Variants in GRM4 observed in about 807,000 individuals in gnomAD.
The protein encoded by GRM4 is glutamate metabotropic receptor 4, also known as metabotropic glutamate receptor 4.
GRM4 carries 28 observed loss-of-function variants against 81.7 expected under a neutral mutation model. The ratio of observed to expected loss-of-function variants is 0.34; its 90% CI spans 0.25 to 0.47. GRM4 has a LOEUF of 0.47. Among genes scored for constraint, GRM4 ranks in the 20% least tolerant of loss-of-function variants. The pLI is 1.00. For missense variants in GRM4, 948 were observed against 1,290.0 expected (o/e 0.73, Z 4.06); for synonymous variants, 488 against 528.8 (o/e 0.92, Z 1.06).
intron 1 of GRM4, among the ~76,000 whole-genome samples, chr6:34,138,586 C>T (rs1175955819): frequency 3.9e-5 from 6 of 152,196 alleles, no homozygotes; most frequent in South Asian, 2.1e-4. Context: ...GCTATCCATC[C>T]GGGCCCCCAC....
At chr6:34,049,655 C>T (rs189782972) in intron 6 of GRM4, among the ~76,000 whole-genome samples, 37 of 152,236 alleles carry the variant, frequency 2.4e-4, no homozygotes, top group Middle Eastern at 6.8e-3. Context: ...CTCCTCCTCC[C>T]GCCCACCCCA....
At chr6:34,094,120 T>TG (rs1442695192) in intron 2 of GRM4, among the ~76,000 whole-genome samples, 1 of 152,174 alleles carries the variant, frequency 6.6e-6, no homozygotes, top group African/African-American at 2.4e-5. Context: ...CAAGATATTC[T>TG]GGGGTAAAAA....
chr6:34,044,842 A>G (rs992644104), intron 6 of GRM4, among the ~76,000 whole-genome samples: 1 of 140,284 alleles, frequency 7.1e-6, no homozygotes, highest in African/African-American at 3.0e-5. Flanking sequence ...ACATACACAT[A>G]TATACATAGA....
At chr6:34,122,912 G>C (rs1014147869) in intron 2 of GRM4, among the ~76,000 whole-genome samples, 1 of 152,234 alleles carries the variant, frequency 6.6e-6, no homozygotes, top group African/African-American at 2.4e-5. Context: ...CTGGATTCGA[G>C]TCAGTATGAC....
In GRM4 at chr6:34,078,175, T is replaced by C. The variant is rs11968118; in HGVS notation, c.736+13708A>G. Among the ~76,000 whole-genome samples the C allele has an allele frequency of 0.087, 13,227 of 152,136 alleles. 1,352 individuals carry two copies. Among genetic ancestry groups the C allele is most frequent in the African/African-American group, 0.25 (10,318 of 41,422 alleles). ...ATGCTAGGTGGTTAATTAACTAACA[T>C]TTGACCTATTGTCCGGAAGGCTCCC... On this transcript the variant is annotated intron_variant, in intron 3 of 10. Transcript: ENST00000538487. The surrounding 1 kb of genome is among the most constrained non-coding windows in gnomAD (Gnocchi z 4.8).
At chr6:34,088,476 GCC>G (rs1430569705) in intron 3 of GRM4, among the ~76,000 whole-genome samples, 1 of 152,122 alleles carries the variant, frequency 6.6e-6, no homozygotes, top group Non-Finnish European at 1.5e-5. Context: ...AAGAAACTGA[GCC>G]CAGAAAGACG....
At position 34,021,389 on chromosome 6, in the gene GRM4, C is replaced by A. The variant is rs1432638793; in HGVS notation, c.*1432G>T. 1 of 151,914 alleles carries A rather than the reference C, an allele frequency of 6.6e-6. No individual in the cohort carries two copies. 9.4% of individuals were successfully genotyped at this position (151,914 alleles called of 1,614,324 possible). On this transcript the variant is annotated 3_prime_UTR_variant, in exon 11 of 11. Coordinates refer to ENST00000538487, the MANE Select transcript of GRM4 (RefSeq NM_000841.4). This position sits in a 1 kb window ranked among gnomAD's most constrained non-coding sequence, Gnocchi z 5.3. ...TCTTAGCACCCGAGCCTGGAGCCAACACAAGCAGGAGGGGACGGCTATGAG... is the reference window on the plus strand; with the variant it reads ...TCTTAGCACCCGAGCCTGGAGCCAAAACAAGCAGGAGGGGACGGCTATGAG...
Position 34,133,950 on chromosome 6 carries a change from G to A in GRM4, c.-363-91C>T. On this transcript the variant is annotated intron_variant, in intron 1 of 10. Transcript: ENST00000538487. The surrounding 1 kb of genome is among the most constrained non-coding windows in gnomAD (Gnocchi z 6.5). ...TCTCTCATCAGGAGCCTGAGAGAAG[G>A]AGATGCTAGAGGTTATCGCCGAAGA... 2.1e-6 allele frequency: 1 copy of A among 486,638 alleles called. No individual in the cohort carries two copies. Among genetic ancestry groups the A allele is most frequent in the Non-Finnish European group, 2.7e-6 (1 of 372,470 alleles). The allele number at this position is 486,638 out of a possible 1,614,324, so 30.1% of individuals were successfully genotyped here. A position where few individuals can be genotyped will look rare whatever the true frequency, so the allele number is the denominator to read the frequency against.
intron 3 of GRM4, among the ~76,000 whole-genome samples, chr6:34,084,331 C>T (rs1376170250): frequency 2.6e-5 from 4 of 152,156 alleles, no homozygotes; most frequent in Non-Finnish European, 4.4e-5. Flanking sequence ...AGGTGGGGTC[C>T]TGTCCCTCCC....
rs374098086 is a variant in GRM4 at position 34,036,021 on chromosome 6, C to T, written c.2089G>A (p.Ala697Thr). The T allele has an allele frequency of 2.4e-5, 38 of 1,613,990 alleles. No homozygotes were observed. Among genetic ancestry groups the T allele is most frequent in the South Asian group, 9.9e-5 (9 of 91,072 alleles). The change falls in exon 9 of 11, where the codon GCC becomes ACC. Residue 697 changes from alanine to threonine, a missense_variant. Ala to Thr is a moderately conservative substitution (Grantham distance 58). Coordinates refer to ENST00000538487, the MANE Select transcript of GRM4 (RefSeq NM_000841.4). This position sits in a 1 kb window ranked among gnomAD's most constrained non-coding sequence, Gnocchi z 9.0. ...CTGAAGGTGATGGCCAGCTGTGAGG[C>T]GGGGCTGATGAAGCGTGGGGCACTG... ...SVSAPRFISP[A>T]SQLAITFSLI... is the part of the protein sequence containing the mutation.
intron 6 of GRM4, among the ~76,000 whole-genome samples, chr6:34,045,566 C>G (rs558035283): frequency 6.6e-6 from 1 of 152,218 alleles, no homozygotes; most frequent in African/African-American, 2.4e-5. Flanking sequence ...CCCTGAACTG[C>G]CCCTCCTCCA....
intron 1 of GRM4, among the ~76,000 whole-genome samples, chr6:34,140,225 A>T (rs973197678): frequency 6.6e-6 from 1 of 152,162 alleles, no homozygotes; most frequent in Admixed American, 6.5e-5. Context: ...TCCAAAGAGA[A>T]AGAACAGCAA....
intron 2 of GRM4, among the ~76,000 whole-genome samples, chr6:34,129,719 G>C (rs538620770): frequency 6.6e-6 from 1 of 152,272 alleles, no homozygotes; most frequent in African/African-American, 2.4e-5. Flanking sequence ...GAGGGCACCC[G>C]GCTTTGAGCC....
At chr6:34,085,198 C>G (rs1042386555) in intron 3 of GRM4, among the ~76,000 whole-genome samples, 1 of 152,154 alleles carries the variant, frequency 6.6e-6, no homozygotes. Context: ...AGCACAGGGG[C>G]GAAATAAATC....
At chr6:34,118,873 T>C (rs1378861932) in intron 2 of GRM4, among the ~76,000 whole-genome samples, 3 of 152,212 alleles carry the variant, frequency 2.0e-5, no homozygotes, top group African/African-American at 7.2e-5. Context: ...AGTAAACATT[T>C]ACCAAATGAA....
At chr6:34,103,275 C>A (rs1211699420) in intron 2 of GRM4, among the ~76,000 whole-genome samples, 1 of 152,204 alleles carries the variant, frequency 6.6e-6, no homozygotes, top group Non-Finnish European at 1.5e-5. Context: ...ACAAATATTT[C>A]CCCAGAAAGC....
chr6:34,052,746 C>G (rs1261182193), intron 6 of GRM4, among the ~76,000 whole-genome samples: 3 of 152,122 alleles, frequency 2.0e-5, no homozygotes, highest in Non-Finnish European at 4.4e-5. Context: ...GAGAGGGGCC[C>G]TGGAGGAGTG....
intron 3 of GRM4, chr6:34,062,475 A>T (rs1383246181): frequency 6.6e-6 from 1 of 152,304 alleles, no homozygotes. Context: ...GAGGTAATGC[A>T]TATAAAGACA....
intron 2 of GRM4, among the ~76,000 whole-genome samples, chr6:34,108,353 T>C (rs921778132): frequency 7.9e-5 from 12 of 152,228 alleles, no homozygotes; most frequent in African/African-American, 2.7e-4. Context: ...TACGCATTGA[T>C]TTATTTAGGC....
Sources: allele counts gnomAD v4.1 joint callset (sites outside exome capture counted in the v4.1 genomes callset), GRCh38; gene constraint gnomAD v4.1.1; non-coding constraint Gnocchi (gnomAD v3.1); transcripts MANE v1.5; gene names NCBI Gene and HGNC (gene_info 2026-07-23, HGNC 2026-07-21).